The following SLC35E1 variants were observed in gnomAD, a reference collection of about 807,000 sequenced individuals.
The protein encoded by SLC35E1 is solute carrier family 35 member E1.
A neutral mutation model predicts 31.0 loss-of-function variants in SLC35E1; 12 were observed. The ratio of observed to expected loss-of-function variants is 0.39; its 90% CI spans 0.25 to 0.63. The LOEUF (loss-of-function observed/expected upper bound fraction) is 0.63. Ranked by LOEUF, SLC35E1 falls within the 20% of genes least tolerant of loss-of-function variation. The pLI is 0.52. For missense variants in SLC35E1, 429 were observed against 572.2 expected (o/e 0.75, Z 2.55); for synonymous variants, 257 against 264.1 (o/e 0.97, Z 0.26).
chr19:16,553,794 A>G lies in SLC35E1; in HGVS notation c.1118T>C (p.Leu373Pro). 1 of 1,613,932 alleles carries G rather than the reference A, an allele frequency of 6.2e-7. No individual in the cohort carries two copies. The highest frequency in any genetic ancestry group is 8.5e-7 in the Non-Finnish European group (1 of 1,179,940). The stretch of plus-strand genomic sequence containing the variant: ...CTGATAGTCCCCGTGCTGGGGGAAG[A>G]GGAGGCCGTTGTGGGGCTTCTCCAG... ...SPLEKPHNGL[L>P]FPQHGDYQYG... The change falls in exon 6 of 6, where the codon CTC (leucine) becomes CCC (proline). Residue 373 changes from leucine to proline, a missense_variant. Transcript: ENST00000595753.
intron 4 of SLC35E1, among the ~76,000 whole-genome samples, chr19:16,557,484 C>A (rs990147366): frequency 6.6e-6 from 1 of 152,152 alleles, no homozygotes; most frequent in African/African-American, 2.4e-5. Flanking sequence ...TGAGCCACCA[C>A]GCCTGGCCAA....
chr19:16,560,008 G>T (rs1181851405), intron 4 of SLC35E1, among the ~76,000 whole-genome samples: 1 of 152,170 alleles, frequency 6.6e-6, no homozygotes, highest in Non-Finnish European at 1.5e-5. Flanking sequence ...GCCTTCTGTG[G>T]GTTGTGGTTC....
chr19:16,571,451 T>G, intron 2 of SLC35E1, 61 bp downstream of exon 2: 1 of 1,567,914 alleles, frequency 6.4e-7, no homozygotes, highest in Non-Finnish European at 8.8e-7. Context: ...ACGTCACCAG[T>G]TGGCAACAGG....
chr19:16,566,585 T>A lies in SLC35E1; in HGVS notation c.703A>T (p.Ile235Phe). The A allele has an allele frequency of 6.2e-7, 1 of 1,612,586 alleles. No individual in the cohort carries two copies. The highest frequency in any genetic ancestry group is 2.2e-5 in the East Asian group (1 of 44,880). ...AGGTCCACCAGAACCCAGGTGGGGA[T>A]CATAAAGAAGACGGCGTGGCAGCCC... is the stretch of plus-strand genomic sequence containing the variant. ...ILGCHAVFFM[I>F]PTWVLVDLSA... Residue 235 changes from isoleucine to phenylalanine, a missense_variant, in exon 4 of 6, where the codon ATC becomes TTC. Physicochemically the swap from Ile to Phe is conservative, Grantham distance 21. Coordinates refer to ENST00000595753, the MANE Select transcript of SLC35E1 (RefSeq NM_024881.5).
chr19:16,560,107 G>A (rs182255132), intron 4 of SLC35E1, among the ~76,000 whole-genome samples: 1 of 152,242 alleles, frequency 6.6e-6, no homozygotes, highest in African/African-American at 2.4e-5. Flanking sequence ...AAAGCCAAGC[G>A]GTGGTCTCTC....
intron 4 of SLC35E1, among the ~76,000 whole-genome samples, chr19:16,557,721 T>C (rs1293064126): frequency 6.6e-6 from 1 of 152,268 alleles, no homozygotes; most frequent in Non-Finnish European, 1.5e-5. Flanking sequence ...GTGGCAACTC[T>C]GCCATTCATC....
intron 4 of SLC35E1, among the ~76,000 whole-genome samples, chr19:16,563,091 T>C (rs544450709): frequency 4.5e-4 from 69 of 152,184 alleles, no homozygotes; most frequent in African/African-American, 1.6e-3. Flanking sequence ...GAGGCCGAAG[T>C]GGGTGGATCA....
rs778901992 is a variant in SLC35E1, at chr19:16,554,267, GA to G, written c.1003-359del. On this transcript the variant is annotated intron_variant, in intron 5 of 5. Transcript: ENST00000595753. ...GGAGACAGAGCAAGACGCTGTCTCAGAAAAAAAAAAAAAAAAAAAAAAAGTC... is the reference window on the plus strand; with the variant it reads ...GGAGACAGAGCAAGACGCTGTCTCAGAAAAAAAAAAAAAAAAAAAAAAGTC... Among the ~76,000 whole-genome samples, 318 of 51,704 alleles carry G rather than the reference GA, an allele frequency of 6.2e-3. 6 individuals are homozygous for G. The highest frequency in any genetic ancestry group is 0.045 in the East Asian group (74 of 1,658). The allele number at this position is 51,704 out of a possible 152,430, so 33.9% of individuals were successfully genotyped here. A position where few individuals can be genotyped will look rare whatever the true frequency, so the allele number is the denominator to read the frequency against.
chr19:16,565,708 G>A (rs185965123), intron 4 of SLC35E1: 70 of 152,218 alleles, frequency 4.6e-4, no homozygotes, highest in African/African-American at 1.7e-3. Flanking sequence ...GGGAGAAACA[G>A]GGTGTCACCA....
intron 4 of SLC35E1, among the ~76,000 whole-genome samples, chr19:16,557,943 A>G (rs1176074826): frequency 6.6e-6 from 1 of 152,062 alleles, no homozygotes; most frequent in Non-Finnish European, 1.5e-5. Context: ...CCTCCCGCAT[A>G]GCTGGGACTA....
chr19:16,570,672 C>T (rs988959698), intron 2 of SLC35E1, among the ~76,000 whole-genome samples: 3 of 152,198 alleles, frequency 2.0e-5, no homozygotes, highest in Non-Finnish European at 2.9e-5. Flanking sequence ...CTTTCGCTTC[C>T]GTTCCCAGAC....
chr19:16,566,693 ACT>A (rs1344840719), intron 3 of SLC35E1, 36 bp from the exon 4 acceptor site: 2 of 1,593,956 alleles, frequency 1.3e-6, no homozygotes, highest in Admixed American at 1.8e-5. Context: ...GGTGATTAAA[ACT>A]ATATGTGGCA....
In SLC35E1 at chr19:16,568,079, G is replaced by A. The variant is rs1383036699; in HGVS notation, c.583C>T (p.Leu195Phe). The stretch of plus-strand genomic sequence containing the variant: ...AGCGAGAAGCACAGCGTGGCGGCGA[G>A]GGCGCTGACGAGTCCCCACATGTCA... ...SFDMWGLVSA[L>F]AATLCFSLQN... Residue 195 changes from leucine (L) to phenylalanine (F), a missense_variant, in exon 3 of 6, where the codon CTC becomes TTC. Physicochemically the swap from Leu to Phe is conservative, Grantham distance 22. Transcript: ENST00000595753. The A allele has an allele frequency of 2.5e-6, 4 of 1,613,644 alleles. No homozygotes were observed. Among genetic ancestry groups the A allele is most frequent in the Non-Finnish European group, 3.4e-6 (4 of 1,179,874 alleles).
At chr19:16,557,939 G>A (rs1353487189) in intron 4 of SLC35E1, among the ~76,000 whole-genome samples, 1 of 152,006 alleles carries the variant, frequency 6.6e-6, no homozygotes, top group Non-Finnish European at 1.5e-5. Flanking sequence ...TCAGCCTCCC[G>A]CATAGCTGGG....
intron 2 of SLC35E1, among the ~76,000 whole-genome samples, chr19:16,568,929 G>A (rs1291361502): frequency 1.3e-5 from 2 of 152,184 alleles, no homozygotes; most frequent in Non-Finnish European, 2.9e-5. Context: ...GCCTCCACAA[G>A]GAGTGCTTTC....
At chr19:16,565,154 G>A (rs1458884628) in intron 4 of SLC35E1, 10 of 456,156 alleles carry the variant, frequency 2.2e-5, no homozygotes, top group Non-Finnish European at 3.5e-5. Context: ...AAAAAGATTC[G>A]ACGTGGAGTA....
intron 4 of SLC35E1, among the ~76,000 whole-genome samples, chr19:16,558,646 G>A (rs965059860): frequency 2.0e-5 from 3 of 152,016 alleles, no homozygotes; most frequent in Non-Finnish European, 1.5e-5. Flanking sequence ...CCAGCCATCT[G>A]TCCATTGTCT....
At chr19:16,554,773 G>A (rs2122322782) in intron 5 of SLC35E1, among the ~76,000 whole-genome samples, 1 of 147,836 alleles carries the variant, frequency 6.8e-6, no homozygotes, top group Admixed American at 6.8e-5. Flanking sequence ...AGCTGGGATG[G>A]AGCGCCACTG....
chr19:16,555,716 G>C lies in SLC35E1; in HGVS notation c.757-319C>G. 2.9e-6 allele frequency: 1 copy of C among 342,228 alleles called. No homozygotes were observed. The highest frequency in any genetic ancestry group is 5.5e-6 in the Non-Finnish European group (1 of 182,318). The allele number at this position is 342,228 out of a possible 1,614,324, so 21.2% of individuals were successfully genotyped here. A position where few individuals can be genotyped will look rare whatever the true frequency, so the allele number is the denominator to read the frequency against. On this transcript the variant is annotated intron_variant, in intron 4 of 5. Coordinates refer to ENST00000595753, the MANE Select transcript of SLC35E1 (RefSeq NM_024881.5). This position sits in a 1 kb window ranked among gnomAD's most constrained non-coding sequence, Gnocchi z 4.1. The stretch of plus-strand genomic sequence containing the variant: ...TGGCAGTGAACAGCCAGGAACCCTG[G>C]GTTTGGCAAAGCAGGGATCTGCTTG...
Sources: gnomAD v4.1 joint callset for allele counts (sites outside exome capture counted in the v4.1 genomes callset) on GRCh38, gnomAD v4.1.1 for gene constraint, Gnocchi (gnomAD v3.1) non-coding constraint, MANE v1.5 for transcripts, NCBI Gene and HGNC (gene_info 2026-07-23, HGNC 2026-07-21) for gene names.